Variants in GRIK3 observed in about 807,000 individuals in gnomAD.
GRIK3 encodes glutamate receptor ionotropic, kainate 3.
In GRIK3, 29 loss-of-function variants were observed where a neutral mutation model predicts 102.5. The ratio of observed to expected loss-of-function variants is 0.28; its 90% CI spans 0.21 to 0.39. GRIK3 has a LOEUF of 0.39. Ranked by LOEUF, GRIK3 falls within the 10% of genes least tolerant of loss-of-function variation. The pLI is 1.00. For synonymous variants in GRIK3, 511 were observed against 504.9 expected, an observed-to-expected ratio of 1.01 and a Z score of -0.16; for missense variants, 908 against 1,252.4, an observed-to-expected ratio of 0.73 and a Z score of 4.15.
chr1:36,806,137 C>T lies in GRIK3; in HGVS notation c.2281G>A (p.Asp761Asn). 6.2e-7 allele frequency: 1 copy of T among 1,614,052 alleles called. No individual in the cohort carries two copies. The highest frequency in any genetic ancestry group is 8.5e-7 in the Non-Finnish European group (1 of 1,179,988). ...GTGCCGATGCCGTAGCCCTTGGAGT[C>T]AATGAGGCCCCCGATCTGGGTGAGG... ...CNLTQIGGLIDSKGYGIGTPM... is the reference protein window; with the variant it reads ...CNLTQIGGLINSKGYGIGTPM... Residue 761 changes from aspartate to asparagine, a missense_variant, in exon 14 of 16, where the codon GAC becomes AAC. Physicochemically the swap from Asp to Asn is conservative, Grantham distance 23 (BLOSUM62 1). Around this residue, in one of 3 missense-constraint regions of GRIK3, gnomAD observed 297 missense variants for 362.7 expected, o/e 0.82. Transcript: ENST00000373091. The surrounding 1 kb of genome is among the most constrained non-coding windows in gnomAD (Gnocchi z 4.0).
At position 36,819,217 on chromosome 1, in the gene GRIK3, G is replaced by A. The variant is rs576939141; in HGVS notation, c.1873+519C>T. ...ACTCCCAGGCACCTCACAGCCAAGC[G>A]GCCACGGAGTCCCATCCACAGTGTA... On this transcript the variant is annotated intron_variant, in intron 12 of 15. Coordinates refer to ENST00000373091, the MANE Select transcript of GRIK3 (RefSeq NM_000831.4). The surrounding 1 kb of genome is among the most constrained non-coding windows in gnomAD (Gnocchi z 4.1). Among the ~76,000 whole-genome samples, 4 of 152,284 alleles carry A rather than the reference G, an allele frequency of 2.6e-5. No individual in the cohort carries two copies. Among genetic ancestry groups the A allele is most frequent in the South Asian group, 2.1e-4 (1 of 4,824 alleles).
In GRIK3 at chr1:36,889,678, G is replaced by A. The variant is rs142837480; in HGVS notation, c.292+1242C>T. Among the ~76,000 whole-genome samples, 149 of 152,254 alleles carry A rather than the reference G, an allele frequency of 9.8e-4. 1 individual carries two copies. The highest frequency in any genetic ancestry group is 3.6e-3 in the African/African-American group (148 of 41,562). ...AGGGCAGGACTATAATTTCCTGGAG[G>A]AAGTAACTCCGGGAGGGCTCGGAAA... On this transcript the variant is annotated intron_variant, in intron 2 of 15. Coordinates refer to ENST00000373091, the MANE Select transcript of GRIK3 (RefSeq NM_000831.4).
At chr1:36,804,776 T>C in intron 15 of GRIK3, 1 of 607,328 alleles carries the variant, frequency 1.6e-6, no homozygotes, top group Non-Finnish European at 2.9e-6. Flanking sequence ...CAGGAGGTGA[T>C]GGGGCTTGGC....
At position 36,825,836 on chromosome 1, in the gene GRIK3, G is replaced by C. The variant is rs775617836; in HGVS notation, c.1531-10C>G. On this transcript the variant is annotated splice_polypyrimidine_tract_variant and intron_variant, in intron 10 of 15. Transcript: ENST00000373091. ...CGGCCAGATCTGCCTTCTGCAACCA[G>C]ACAGAGAGAGAAAGACAGACTATGA... 5 of 1,584,648 alleles carry C rather than the reference G, an allele frequency of 3.2e-6. No individual in the cohort carries two copies. Among genetic ancestry groups the C allele is most frequent in the Non-Finnish European group, 4.3e-6 (5 of 1,159,842 alleles).
At chr1:36,865,232 T>A (rs1640770352) in intron 5 of GRIK3, among the ~76,000 whole-genome samples, 1 of 152,252 alleles carries the variant, frequency 6.6e-6, no homozygotes, top group South Asian at 2.1e-4. Flanking sequence ...GGGGCTCAGC[T>A]GGGGCTGATT....
chr1:37,002,118 A>C (rs1366449787), intron 1 of GRIK3, among the ~76,000 whole-genome samples: 2 of 152,224 alleles, frequency 1.3e-5, no homozygotes, highest in Non-Finnish European at 2.9e-5. Context: ...GAAGAGAAAG[A>C]AAGTACTAGC....
chr1:36,983,492 C>G lies in GRIK3; in HGVS notation c.115+50502G>C, dbSNP rs74974848. Among the ~76,000 whole-genome samples, 984 of 152,224 alleles carry G rather than the reference C, an allele frequency of 6.5e-3. 14 individuals carry two copies. Among genetic ancestry groups the G allele is most frequent in the African/African-American group, 0.023 (943 of 41,522 alleles). On this transcript the variant is annotated intron_variant, in intron 1 of 15. Coordinates refer to ENST00000373091, the MANE Select transcript of GRIK3 (RefSeq NM_000831.4). ...TGTGTGCCAGGGACTGTCCTTGGTGCTCTCCACGTCTTTATTCCTCACTGC... is the reference window on the plus strand; with the variant it reads ...TGTGTGCCAGGGACTGTCCTTGGTGGTCTCCACGTCTTTATTCCTCACTGC...
At chr1:36,832,087 ACTG>A (rs1640308174) in intron 10 of GRIK3, among the ~76,000 whole-genome samples, 1 of 712 alleles carries the variant, frequency 1.4e-3, no homozygotes, top group African/African-American at 5.1e-3. Context: ...CGACTGCTCT[ACTG>A]CTCTCATCGC....
In GRIK3 at chr1:36,908,586, A is replaced by T. The variant is rs111636731; in HGVS notation, c.116-17490T>A. Reference sequence around the variant, plus strand: ...CTCTCCATTCTCTGCCTTCCCATACATTCCTCATGATCGTTATTTAAAGAG... The same window carrying T: ...CTCTCCATTCTCTGCCTTCCCATACTTTCCTCATGATCGTTATTTAAAGAG... On this transcript the variant is annotated intron_variant, in intron 1 of 15. Coordinates refer to ENST00000373091, the MANE Select transcript of GRIK3 (RefSeq NM_000831.4). 1.9e-3 allele frequency among the ~76,000 whole-genome samples: 293 copies of T among 152,252 alleles called. 3 individuals carry two copies. The Middle Eastern group carries it at 0.034, about 18-fold the overall frequency.
chr1:36,854,535 C>T (rs1194627912), intron 7 of GRIK3, among the ~76,000 whole-genome samples: 1 of 152,252 alleles, frequency 6.6e-6, no homozygotes. Context: ...CAGGGGTTGG[C>T]GTCCTATGGC....
chr1:37,032,941 G>T (rs370917460), intron 1 of GRIK3, among the ~76,000 whole-genome samples: 1 of 152,346 alleles, frequency 6.6e-6, no homozygotes, highest in African/African-American at 2.4e-5. Flanking sequence ...GAGGAGGAAG[G>T]TGGCCCTGGC....
Position 36,809,176 on chromosome 1 carries a change from T to TCCAC in GRIK3, c.2092-2854_2092-2851dup, listed in dbSNP as rs1345341224. Among the ~76,000 whole-genome samples, 329 of 151,338 alleles carry TCCAC rather than the reference T, an allele frequency of 2.2e-3. 1 individual carries two copies. The highest frequency in any genetic ancestry group is 7.7e-3 in the African/African-American group (316 of 41,114). ...ACCCATCCATCCATCCATCCATCCATCCACCCACCCATCCATCCACCCATC... is the reference window on the plus strand; with the variant it reads ...ACCCATCCATCCATCCATCCATCCATCCACCCACCCACCCATCCATCCACCCATC... On this transcript the variant is annotated intron_variant, in intron 13 of 15. Transcript: ENST00000373091.
Position 36,928,423 on chromosome 1 carries a change from C to T in GRIK3, c.116-37327G>A, listed in dbSNP as rs566373509. 3.9e-5 allele frequency among the ~76,000 whole-genome samples: 6 copies of T among 152,298 alleles called. No homozygotes were observed. The South Asian group carries it at 1.2e-3, about 32-fold the overall frequency. Reference sequence around the variant, plus strand: ...ACAAAGGATGGTGTGACCTGGTATACCAGATTGTCTGAATCAAAGTGGCAA... The same window carrying T: ...ACAAAGGATGGTGTGACCTGGTATATCAGATTGTCTGAATCAAAGTGGCAA... On this transcript the variant is annotated intron_variant, in intron 1 of 15. Coordinates refer to ENST00000373091, the MANE Select transcript of GRIK3 (RefSeq NM_000831.4).
At chr1:37,000,548 G>A (rs1329877563) in intron 1 of GRIK3, among the ~76,000 whole-genome samples, 2 of 152,200 alleles carry the variant, frequency 1.3e-5, no homozygotes, top group East Asian at 1.9e-4. Context: ...ACAGCCACTT[G>A]CCAGGCACCA....
intron 15 of GRIK3, 148 bp from the exon 16 acceptor site, chr1:36,802,193 A>T: frequency 1.7e-6 from 1 of 591,902 alleles, no homozygotes; most frequent in Non-Finnish European, 3.0e-6. Context: ...TCCCTCTGCC[A>T]CCTGCAGGAT....
At chr1:36,834,254 A>T (rs1199962497) in intron 10 of GRIK3, among the ~76,000 whole-genome samples, 5 of 152,116 alleles carry the variant, frequency 3.3e-5, no homozygotes, top group African/African-American at 1.2e-4. Flanking sequence ...CACTGGGAGC[A>T]CTGGAGGTTT....
At chr1:36,915,005 G>A (rs778738761) in intron 1 of GRIK3, among the ~76,000 whole-genome samples, 14 of 152,182 alleles carry the variant, frequency 9.2e-5, no homozygotes, top group Non-Finnish European at 1.6e-4. Context: ...TAGCACATGA[G>A]GCTGCTTGGA....
At chr1:36,973,601 G>C (rs961176263) in intron 1 of GRIK3, among the ~76,000 whole-genome samples, 2 of 111,258 alleles carry the variant, frequency 1.8e-5, no homozygotes, top group East Asian at 4.3e-4. Flanking sequence ...TTTTTTTTTT[G>C]TATTTTTAAT....
chr1:36,859,197 G>C lies in GRIK3; in HGVS notation c.1015C>G (p.Arg339Gly), dbSNP rs764550051. The part of the protein sequence containing the change: ...AVHIVSVCYQ[R>G]APQMTVNSLQ... ...GAGTTCACGGTCATCTGTGGTGCCC[G>C]CTGGTAGCACACGGACACGATATGG... Residue 339 changes from arginine to glycine, a missense_variant, in exon 7 of 16, where the codon CGG becomes GGG. Around this residue, in one of 3 missense-constraint regions of GRIK3, gnomAD observed 585 missense variants for 824.9 expected, o/e 0.71. Transcript: ENST00000373091. The C allele has an allele frequency of 1.2e-6, 2 of 1,613,706 alleles. No homozygotes were observed. The highest frequency in any genetic ancestry group is 3.3e-5 in the Admixed American group (2 of 60,014).
Sources: allele counts gnomAD v4.1 joint callset (sites outside exome capture counted in the v4.1 genomes callset), GRCh38; gene constraint gnomAD v4.1.1; regional missense constraint gnomAD v4.1.1; non-coding constraint Gnocchi (gnomAD v3.1); transcripts MANE v1.5; gene names NCBI Gene and HGNC (gene_info 2026-07-23, HGNC 2026-07-21).